Variants in PARP2 observed in about 807,000 individuals in gnomAD.
PARP2 encodes the protein poly [ADP-ribose] polymerase 2.
In PARP2, 57 loss-of-function variants were observed where a neutral mutation model predicts 77.8. The observed-to-expected ratio is 0.73, with a 90% CI of 0.59 to 0.91. The LOEUF is 0.91. Ranked by LOEUF, PARP2 falls within the 40% of genes least tolerant of loss-of-function variation. The pLI, the probability that PARP2 is intolerant of heterozygous loss-of-function variation, is 0.00. For missense variants in PARP2, 651 were observed against 689.0 expected (o/e 0.94, Z 0.62); for synonymous variants, 226 against 242.6 (o/e 0.93, Z 0.64).
chr14:20,353,636 A>T (rs1339577774), intron 7 of PARP2, among the ~76,000 whole-genome samples: 1 of 152,216 alleles, frequency 6.6e-6, no homozygotes. Flanking sequence ...TTCTGGATAT[A>T]TACCACCATA....
intron 7 of PARP2, chr14:20,353,114 G>A (rs1726694464): frequency 6.6e-6 from 1 of 151,894 alleles, no homozygotes; most frequent in African/African-American, 2.4e-5. Context: ...TCGTGACCTT[G>A]GGTGATCTAC....
At position 20,352,389 on chromosome 14, in the gene PARP2, T is replaced by C. The variant is rs3093911; in HGVS notation, c.600+42T>C. On this transcript the variant is annotated intron_variant, in intron 7 of 15. Transcript: ENST00000429687. The stretch of plus-strand genomic sequence containing the variant: ...TTTTCGAAAGAAACACATCTTCTTT[T>C]TTTATTTTATTTTTTAGAGGCAAAA... 0.016 allele frequency: 19,920 copies of C among 1,249,276 alleles called. 1,266 individuals carry two copies. The African/African-American group carries it at 0.19, about 12-fold the overall frequency. The allele number at this position is 1,249,276 out of a possible 1,614,324, so 77.4% of individuals were successfully genotyped here. A position where few individuals can be genotyped will look rare whatever the true frequency, so the allele number is the denominator to read the frequency against.
intron 1 of PARP2, 79 bp from the exon 2 acceptor site, chr14:20,344,853 T>C: frequency 2.1e-6 from 2 of 958,134 alleles, no homozygotes; most frequent in Non-Finnish European, 3.2e-6. Flanking sequence ...ACCATTTCTT[T>C]AAAAGATTTT....
At position 20,352,219 on chromosome 14, in the gene PARP2, GT is replaced by G. The variant is rs775347763; in HGVS notation, c.498-22del. On this transcript the variant is annotated intron_variant, in intron 6 of 15. Coordinates refer to ENST00000429687, the MANE Select transcript of PARP2 (RefSeq NM_001042618.2). ...TTCATAGTAGACCTTTATTTGTAAAGTTTTCTTACACCTTGGACTCTACAGA... is the reference window on the plus strand; with the variant it reads ...TTCATAGTAGACCTTTATTTGTAAAGTTTCTTACACCTTGGACTCTACAGA... 3 of 1,326,828 alleles carry G rather than the reference GT, an allele frequency of 2.3e-6. No homozygotes were observed. In the African/African-American group the frequency reaches 4.4e-5, roughly 19 times the overall value. 82.2% of individuals were successfully genotyped at this position (1,326,828 alleles called of 1,614,324 possible). A position where few individuals can be genotyped will look rare whatever the true frequency, so the allele number is the denominator to read the frequency against.
At chr14:20,356,152 C>A in intron 11 of PARP2, 121 bp downstream of exon 11, 2 of 1,419,880 alleles carry the variant, frequency 1.4e-6, no homozygotes, top group Non-Finnish European at 1.9e-6. Context: ...TTTTTATGTA[C>A]TAGGGATTTG....
intron 1 of PARP2, chr14:20,344,242 G>A (rs1431475680): frequency 6.5e-6 from 1 of 153,036 alleles, no homozygotes; most frequent in East Asian, 1.9e-4. Context: ...AGTTTCCACA[G>A]AGAAAAGCAG....
intron 3 of PARP2, among the ~76,000 whole-genome samples, chr14:20,345,790 T>C (rs1014811801): frequency 3.9e-5 from 6 of 151,994 alleles, no homozygotes; most frequent in Admixed American, 3.3e-4. Flanking sequence ...CTTAGGAAAC[T>C]TTTACTCATG....
chr14:20,346,321 C>CTTTTTTTTTTTTTTTTT (rs71108595), intron 3 of PARP2, among the ~76,000 whole-genome samples: 1 of 90,858 alleles, frequency 1.1e-5, no homozygotes, highest in Non-Finnish European at 2.0e-5. Flanking sequence ...CAGTTAGAAT[C>CTTTTTTTTTTTTTTTTT]TTTTTTTTTT....
At position 20,356,452 on chromosome 14, in the gene PARP2, C is replaced by G; in HGVS notation, c.1229+18C>G. ...CATAACAGGTCTGAGTCTAGCTTTG[C>G]GTTTGGAAAGACACTCCTTGCCCGA... On this transcript the variant is annotated intron_variant, in intron 12 of 15. Transcript: ENST00000429687. 1 of 1,613,994 alleles carries G rather than the reference C, an allele frequency of 6.2e-7. No homozygotes were observed. The highest frequency in any genetic ancestry group is 8.5e-7 in the Non-Finnish European group (1 of 1,179,898).
chr14:20,357,619 C>T lies in PARP2; in HGVS notation c.1554-19C>T, dbSNP rs1884206836. Reference sequence around the variant, plus strand: ...TGAACCAGAGACTGATGTTGACACACTTTTTTTCCATTTGGCAGGAATGGG... The same window carrying T: ...TGAACCAGAGACTGATGTTGACACATTTTTTTTCCATTTGGCAGGAATGGG... On this transcript the variant is annotated intron_variant, in intron 15 of 15. Transcript: ENST00000429687. 6.2e-7 allele frequency: 1 copy of T among 1,609,158 alleles called. No individual in the cohort carries two copies. The highest frequency in any genetic ancestry group is 1.3e-5 in the African/African-American group (1 of 74,588).
intron 4 of PARP2, among the ~76,000 whole-genome samples, chr14:20,347,373 TA>T (rs1883784217): frequency 1.7e-4 from 4 of 23,470 alleles, no homozygotes; most frequent in Non-Finnish European, 3.1e-4. Flanking sequence ...TATATATATA[TA>T]TATATATATA....
chr14:20,346,834 G>A (rs777653633), intron 3 of PARP2, 29 bp from the exon 4 acceptor site: 2 of 1,514,592 alleles, frequency 1.3e-6, no homozygotes, highest in South Asian at 2.3e-5. Context: ...CTATACTAAT[G>A]TTGATTTTTT....
chr14:20,346,843 T>G lies in PARP2; in HGVS notation c.274-20T>G. On this transcript the variant is annotated intron_variant, in intron 3 of 15. Transcript: ENST00000429687. ...CTGAACCTATACTAATGTTGATTTT[T>G]TCTCTCTCTCCCTTTCTAGGCTCAT... 1 of 1,559,878 alleles carries G rather than the reference T, an allele frequency of 6.4e-7. No individual in the cohort carries two copies. Among genetic ancestry groups the G allele is most frequent in the African/African-American group, 1.4e-5 (1 of 73,306 alleles).
intron 7 of PARP2, among the ~76,000 whole-genome samples, chr14:20,353,801 GC>G (rs1884044472): frequency 6.6e-6 from 1 of 152,128 alleles, no homozygotes; most frequent in Non-Finnish European, 1.5e-5. Flanking sequence ...CATGAGGAAA[GC>G]CTTTTTTTTC....
At chr14:20,346,955 C>T (rs1349521705) in intron 4 of PARP2, 42 bp downstream of exon 4, 15 of 1,231,202 alleles carry the variant, frequency 1.2e-5, no homozygotes, top group South Asian at 6.0e-5. Context: ...TTTATGAGAC[C>T]ATCTTCTTGA....
intron 7 of PARP2, 99 bp downstream of exon 7, chr14:20,352,446 A>C: frequency 3.0e-6 from 2 of 677,472 alleles, no homozygotes; most frequent in Non-Finnish European, 5.0e-6. Flanking sequence ...GGGTGGCACA[A>C]TCATGGCTCA....
At position 20,354,671 on chromosome 14, in the gene PARP2, G is replaced by T. The variant is rs193211088; in HGVS notation, c.764-138G>T. The stretch of plus-strand genomic sequence containing the variant: ...GTTTGTGCCACGGCACTCAGCCTGG[G>T]CAACAGGAGTGAGACCCCATCTTAA... On this transcript the variant is annotated intron_variant, in intron 8 of 15. Transcript: ENST00000429687. The T allele has an allele frequency of 1.4e-3, 1,112 of 815,280 alleles. 5 individuals carry two copies. The Middle Eastern group carries it at 0.021, about 15-fold the overall frequency. 50.5% of individuals were successfully genotyped at this position (815,280 alleles called of 1,614,324 possible).
chr14:20,345,616 A>G (rs1052611777), intron 3 of PARP2, 152 bp downstream of exon 3: 37 of 615,464 alleles, frequency 6.0e-5, no homozygotes, highest in South Asian at 6.0e-5. Context: ...GGCAAGAGAT[A>G]GGAGTGGTAG....
intron 7 of PARP2, chr14:20,352,558 CT>C (rs374239476): frequency 4.0e-3 from 863 of 213,996 alleles, no homozygotes; most frequent in South Asian, 7.0e-3. Context: ...GATTTTTTTT[CT>C]TTTTTTTTTG....
Sources: allele counts gnomAD v4.1 joint callset (sites outside exome capture counted in the v4.1 genomes callset), GRCh38; gene constraint gnomAD v4.1.1; transcripts MANE v1.5; gene names NCBI Gene and HGNC (gene_info 2026-07-23, HGNC 2026-07-21).